The following DOCK1 variants were observed in gnomAD, a reference collection of about 807,000 sequenced individuals.
DOCK1 encodes the protein dedicator of cytokinesis protein 1.
In DOCK1, 138 loss-of-function variants were observed where a neutral mutation model predicts 262.7. That is an observed-to-expected ratio of 0.53 (90% CI 0.46 to 0.61). The LOEUF (loss-of-function observed/expected upper bound fraction) is 0.61, where lower values mean the gene tolerates loss of function less well. DOCK1 is among the 20% of genes least tolerant of loss of function. The probability of loss-of-function intolerance (pLI) is 0.00; values close to 1 mark genes in which losing one functional copy is unlikely to be tolerated. For synonymous variants in DOCK1, 866 were observed against 867.4 expected (o/e 1.00, Z 0.03); for missense variants, 1,908 against 2,370.7 (o/e 0.80, Z 4.05).
At chr10:127,335,593 G>T (rs1033574872) in intron 29 of DOCK1, among the ~76,000 whole-genome samples, 8 of 151,978 alleles carry the variant, frequency 5.3e-5, no homozygotes, top group African/African-American at 1.9e-4. Context: ...TGTCACCCAG[G>T]CTGGAGTGCA....
intron 32 of DOCK1, among the ~76,000 whole-genome samples, chr10:127,355,603 G>A (rs911658054): frequency 2.6e-5 from 4 of 152,146 alleles, no homozygotes; most frequent in South Asian, 4.2e-4. Flanking sequence ...GCCTGCATTG[G>A]CCTGTTGCAA....
chr10:127,037,985 G>T (rs1372838959), intron 19 of DOCK1, among the ~76,000 whole-genome samples, 169 bp downstream of exon 19: 1 of 151,808 alleles, frequency 6.6e-6, no homozygotes, highest in East Asian at 1.9e-4. Context: ...TGTAATCTCA[G>T]CACTTTGGGA....
chr10:127,219,568 G>A (rs959124573), intron 27 of DOCK1, among the ~76,000 whole-genome samples: 48 of 152,246 alleles, frequency 3.2e-4, no homozygotes, highest in African/African-American at 1.1e-3. Context: ...ATTTGTGCAT[G>A]ACTAAATTCC....
chr10:127,197,913 T>C (rs577527274), intron 27 of DOCK1, among the ~76,000 whole-genome samples: 3 of 152,198 alleles, frequency 2.0e-5, no homozygotes, highest in Non-Finnish European at 4.4e-5. Context: ...AAATCTAAAA[T>C]GTCATCTATT....
At chr10:127,272,599 T>C (rs1311855190) in intron 29 of DOCK1, among the ~76,000 whole-genome samples, 1 of 152,226 alleles carries the variant, frequency 6.6e-6, no homozygotes, top group African/African-American at 2.4e-5. Flanking sequence ...CTAGCTTTTC[T>C]GGTTTGCTGC....
chr10:127,192,873 T>C (rs1589870850), intron 27 of DOCK1: 1 of 152,236 alleles, frequency 6.6e-6, no homozygotes. Context: ...TGCAAGTCTG[T>C]ATTCTGTCCT....
chr10:127,354,611 T>A, intron 31 of DOCK1, 58 bp from the exon 32 acceptor site: 1 of 1,603,306 alleles, frequency 6.2e-7, no homozygotes, highest in Non-Finnish European at 8.5e-7. Flanking sequence ...ATAATTCCAG[T>A]CCGATTTTCA....
chr10:127,215,611 T>G (rs1250655969), intron 27 of DOCK1, among the ~76,000 whole-genome samples: 1 of 152,330 alleles, frequency 6.6e-6, no homozygotes, highest in Non-Finnish European at 1.5e-5. Context: ...ACAGATTGGC[T>G]TTGATAATGC....
chr10:127,357,404 G>T (rs2064199659), intron 32 of DOCK1, among the ~76,000 whole-genome samples: 1 of 152,194 alleles, frequency 6.6e-6, no homozygotes, highest in Non-Finnish European at 1.5e-5. Context: ...TTCTCCGCGT[G>T]CCCTCTCCAA....
In DOCK1 at chr10:127,419,671, C is replaced by T; in HGVS notation, c.4698C>T (p.Phe1566=). 6.2e-7 allele frequency: 1 copy of T among 1,603,082 alleles called. No individual in the cohort carries two copies. Among genetic ancestry groups the T allele is most frequent in the Admixed American group, 1.7e-5 (1 of 58,968 alleles). The stretch of plus-strand genomic sequence containing the variant: ...ACTCTCCTTGTCTCCACCAGGCCTT[C>T]TTTACAGACCGGTACCTGCAGGAGC... ...MGGFANYEKA[F]FTDRYLQEHP... Residue 1566 remains phenylalanine, a synonymous_variant, in exon 46 of 52, where the codon TTC becomes TTT. Transcript: ENST00000623213.
intron 29 of DOCK1, among the ~76,000 whole-genome samples, chr10:127,280,936 T>A (rs1320290827): frequency 6.6e-6 from 1 of 152,230 alleles, no homozygotes; most frequent in South Asian, 2.1e-4. Flanking sequence ...CATATTTTAT[T>A]CCTTGAGTTA....
intron 28 of DOCK1, among the ~76,000 whole-genome samples, chr10:127,249,001 C>T (rs1007806161): frequency 6.6e-6 from 1 of 152,086 alleles, no homozygotes; most frequent in Admixed American, 6.6e-5. Context: ...AGTTTCATCC[C>T]GAAACCTGCC....
intron 29 of DOCK1, among the ~76,000 whole-genome samples, chr10:127,268,505 A>AAAAG (rs1438856263): frequency 6.7e-6 from 1 of 150,156 alleles, no homozygotes; most frequent in Non-Finnish European, 1.5e-5. Flanking sequence ...CTCCACCTCA[A>AAAAG]AAAAAAAAAA....
In DOCK1 at chr10:127,437,495, T is replaced by G. The variant is rs962544430; in HGVS notation, c.5061-1532T>G. Among the ~76,000 whole-genome samples the G allele has an allele frequency of 5.1e-5, 6 of 117,548 alleles. No homozygotes were observed. The highest frequency in any genetic ancestry group is 1.1e-4 in the African/African-American group (3 of 28,098). 77.1% of individuals were successfully genotyped at this position (117,548 alleles called of 152,430 possible). A position where few individuals can be genotyped will look rare whatever the true frequency, so the allele number is the denominator to read the frequency against. ...ATGACCATCTTTTTTTTTTTTTTTT[T>G]TTTTGAGACAGGATCTGGCTCTGTC... On this transcript the variant is annotated intron_variant, in intron 48 of 51. Transcript: ENST00000623213. The surrounding 1 kb of genome is among the most constrained non-coding windows in gnomAD (Gnocchi z 4.4).
chr10:126,933,624 C>G (rs998175923), intron 1 of DOCK1, among the ~76,000 whole-genome samples: 1 of 152,044 alleles, frequency 6.6e-6, no homozygotes, highest in Non-Finnish European at 1.5e-5. Flanking sequence ...GTCAGCCCCC[C>G]GGATGAGCAG....
intron 1 of DOCK1, among the ~76,000 whole-genome samples, chr10:126,931,755 G>T (rs2034205968): frequency 6.6e-6 from 1 of 152,238 alleles, no homozygotes; most frequent in Admixed American, 6.5e-5. Flanking sequence ...GTCACTTCCA[G>T]GAACCAATGT....
At chr10:127,357,044 T>G (rs2064182714) in intron 32 of DOCK1, among the ~76,000 whole-genome samples, 1 of 151,946 alleles carries the variant, frequency 6.6e-6, no homozygotes. Context: ...CATACTGAAA[T>G]GCTTCCTTCT....
chr10:126,992,759 C>T (rs1356145747), intron 6 of DOCK1, among the ~76,000 whole-genome samples: 2 of 144,768 alleles, frequency 1.4e-5, no homozygotes, highest in South Asian at 2.3e-4. Context: ...CACACACACA[C>T]ACACAGACAG....
chr10:127,351,457 G>A (rs1408953109), intron 31 of DOCK1, among the ~76,000 whole-genome samples: 7 of 152,162 alleles, frequency 4.6e-5, no homozygotes, highest in South Asian at 2.1e-4. Flanking sequence ...ACGCTGTGTC[G>A]TGCTGTGGAG....
Sources: allele counts gnomAD v4.1 joint callset (sites outside exome capture counted in the v4.1 genomes callset), GRCh38; gene constraint gnomAD v4.1.1; non-coding constraint Gnocchi (gnomAD v3.1); transcripts MANE v1.5; gene names NCBI Gene and HGNC (gene_info 2026-07-23, HGNC 2026-07-21).